ZNF716: variants seen among roughly 807,000 people sequenced by gnomAD.
The protein encoded by ZNF716 is zinc finger protein 716.
Under a neutral mutation model 13.4 loss-of-function variants are expected in ZNF716, and 9 were observed. The observed-to-expected ratio is 0.67, with a 90% CI of 0.41 to 1.18. The LOEUF is 1.18. ZNF716 is among the 50% of genes most tolerant of loss of function. ZNF716 has a pLI of 0.01. For synonymous variants in ZNF716, 186 were observed against 195.2 expected (o/e 0.95, Z 0.39); for missense variants, 581 against 576.6 (o/e 1.01, Z -0.08).
In ZNF716 at chr7:57,468,802, G is replaced by T. The variant is rs782102491; in HGVS notation, c.341G>T (p.Arg114Ile). ...TCACTCCAAAAAGTGATACTGAGAA[G>T]ATATGGAAAATGTGGACAGGAGGAT... ...KDSLQKVILRRYGKCGQEDLQ... is the reference protein window; with the variant it reads ...KDSLQKVILRIYGKCGQEDLQ... Residue 114 changes from arginine to isoleucine, a missense_variant, in exon 4 of 4, where the codon AGA becomes ATA. Coordinates refer to ENST00000420713, the MANE Select transcript of ZNF716 (RefSeq NM_001159279.1). The T allele has an allele frequency of 4.3e-6, 7 of 1,613,560 alleles. No homozygotes were observed. In the South Asian group the frequency reaches 7.7e-5, roughly 18 times the overall value.
chr7:57,450,422 G>T, intron 1 of ZNF716, 95 bp downstream of exon 1: 1 of 1,605,750 alleles, frequency 6.2e-7, no homozygotes. Context: ...CTCGCAGTCA[G>T]CTCCGGAGTC....
chr7:57,454,605 AG>A (rs1789554696), intron 1 of ZNF716, among the ~76,000 whole-genome samples: 1 of 152,250 alleles, frequency 6.6e-6, no homozygotes, highest in African/African-American at 2.4e-5. Context: ...GGGGACCCAC[AG>A]GCAGATGTAG....
In ZNF716 at chr7:57,469,720, C is replaced by G. The variant is rs200260740; in HGVS notation, c.1259C>G (p.Ser420Cys). ...GAATGTGGCAAAGCCTTTAACTGCT[C>G]CTCAACCCTTAAGAAACATAAGATA... The part of the protein sequence containing the change: ...CEECGKAFNC[S>C]STLKKHKIIH... The change falls in exon 4 of 4, where the codon TCC (serine) becomes TGC (cysteine). Residue 420 changes from serine to cysteine, a missense_variant. Physicochemically the swap from Ser to Cys is moderately radical, Grantham distance 112. Coordinates refer to ENST00000420713, the MANE Select transcript of ZNF716 (RefSeq NM_001159279.1). The G allele has an allele frequency of 7.3e-5, 118 of 1,610,754 alleles. No homozygotes were observed. The African/African-American group carries it at 1.3e-3, about 18-fold the overall frequency.
chr7:57,461,111 A>AT (rs1316790548), intron 1 of ZNF716, among the ~76,000 whole-genome samples: 1 of 127,208 alleles, frequency 7.9e-6, no homozygotes, highest in Non-Finnish European at 1.7e-5. Context: ...CTCTGCTAAA[A>AT]AAAAAAAAAT....
At chr7:57,457,232 GC>G (rs1344565825) in intron 1 of ZNF716, among the ~76,000 whole-genome samples, 2 of 152,174 alleles carry the variant, frequency 1.3e-5, no homozygotes, top group Non-Finnish European at 2.9e-5. Flanking sequence ...AGTCTAATCT[GC>G]CTGCATGGAC....
At chr7:57,462,142 C>T (rs2116415432) in intron 1 of ZNF716, among the ~76,000 whole-genome samples, 1 of 146,280 alleles carries the variant, frequency 6.8e-6, no homozygotes, top group Non-Finnish European at 1.5e-5. Context: ...GCCTGGGCAA[C>T]AGAGTGAGCC....
rs1367822352 is a variant in ZNF716 at position 57,459,842 on chromosome 7, G to A, written c.40-2618G>A. ...TATTTTAATAGTTATGGAGAAGCTT[G>A]TTCTTCTCTCATTGCTCTTAAATCT... On this transcript the variant is annotated intron_variant, in intron 1 of 3. Transcript: ENST00000420713. 2.6e-5 allele frequency among the ~76,000 whole-genome samples: 4 copies of A among 152,230 alleles called. No individual in the cohort carries two copies. In the East Asian group the frequency reaches 7.7e-4, roughly 29 times the overall value.
At chr7:57,460,226 C>T (rs1789682665) in intron 1 of ZNF716, among the ~76,000 whole-genome samples, 1 of 151,824 alleles carries the variant, frequency 6.6e-6, no homozygotes, top group Non-Finnish European at 1.5e-5. Context: ...GAAAGTCCAT[C>T]TCTATTAAAA....
intron 1 of ZNF716, among the ~76,000 whole-genome samples, chr7:57,456,718 G>C (rs1789597376): frequency 6.6e-6 from 1 of 151,460 alleles, no homozygotes; most frequent in African/African-American, 2.4e-5. Flanking sequence ...CTGGGCGACA[G>C]AGTGAGACTG....
chr7:57,455,025 CA>C (rs56899423), intron 1 of ZNF716, among the ~76,000 whole-genome samples: 3,636 of 130,964 alleles, frequency 0.028, 50 homozygotes, highest in African/African-American at 0.046. Flanking sequence ...GACTCCCTCT[CA>C]AAAAAAAAAA....
Position 57,463,135 on chromosome 7 carries a change from A to T in ZNF716, c.229A>T (p.Ile77Leu). 1.2e-6 allele frequency: 2 copies of T among 1,609,602 alleles called. No individual in the cohort carries two copies. The highest frequency in any genetic ancestry group is 1.7e-6 in the Non-Finnish European group (2 of 1,179,952). The change falls in exon 3 of 4, where the codon ATA (isoleucine) becomes TTA (leucine). Residue 77 changes from isoleucine (I) to leucine (L), a missense_variant. By Grantham distance (5) the Ile-to-Leu change is conservative. Coordinates refer to ENST00000420713, the MANE Select transcript of ZNF716 (RefSeq NM_001159279.1). The part of the protein sequence containing the change: ...CLEQNKEPQN[I>L]KRNEMVAKHP... ...GGAGCAAAATAAAGAGCCCCAGAATATAAAGAGAAATGAGATGGTAGCCAA... is the reference window on the plus strand; with the variant it reads ...GGAGCAAAATAAAGAGCCCCAGAATTTAAAGAGAAATGAGATGGTAGCCAA...
intron 3 of ZNF716, among the ~76,000 whole-genome samples, chr7:57,465,726 A>G (rs1296469628): frequency 2.6e-5 from 4 of 152,200 alleles, no homozygotes; most frequent in African/African-American, 9.7e-5. Flanking sequence ...GCATGTCCAC[A>G]TGCACACGTA....
At chr7:57,457,814 C>A (rs1262033195) in intron 1 of ZNF716, among the ~76,000 whole-genome samples, 3 of 152,188 alleles carry the variant, frequency 2.0e-5, no homozygotes, top group Admixed American at 2.0e-4. Flanking sequence ...TCCAACCCTT[C>A]ACCCTGAACG....
At chr7:57,465,607 C>T (rs528296053) in intron 3 of ZNF716, among the ~76,000 whole-genome samples, 2 of 152,286 alleles carry the variant, frequency 1.3e-5, no homozygotes, top group South Asian at 2.1e-4. Context: ...ACCTCGGCCT[C>T]TCAAAGTGCT....
intron 1 of ZNF716, among the ~76,000 whole-genome samples, chr7:57,458,735 T>C (rs1554322523): frequency 1.3e-5 from 2 of 152,194 alleles, no homozygotes; most frequent in African/African-American, 4.8e-5. Context: ...GAGCTTTTTA[T>C]AGTTATTTAT....
At position 57,468,941 on chromosome 7, in the gene ZNF716, T is replaced by C. The variant is rs781811645; in HGVS notation, c.480T>C (p.His160=). 3.7e-6 allele frequency: 6 copies of C among 1,611,040 alleles called. No individual in the cohort carries two copies. Among genetic ancestry groups the C allele is most frequent in the African/African-American group, 1.3e-5 (1 of 74,894 alleles). ...CCCAAAACAAAACATTTCAGACTCA[T>C]AAATGCGTCAAAGTCTTTGGTAAAT... The part of the protein sequence containing the change: ...SATQNKTFQT[H]KCVKVFGKFS... Residue 160 remains histidine, a synonymous_variant, in exon 4 of 4, where the codon CAT becomes CAC. Coordinates refer to ENST00000420713, the MANE Select transcript of ZNF716 (RefSeq NM_001159279.1).
At chr7:57,464,272 C>T (rs1789765263) in intron 3 of ZNF716, among the ~76,000 whole-genome samples, 1 of 151,810 alleles carries the variant, frequency 6.6e-6, no homozygotes, top group Non-Finnish European at 1.5e-5. Flanking sequence ...CAGGGATGTG[C>T]CACCATGTGC....
chr7:57,466,132 A>C (rs1395408297), intron 3 of ZNF716, among the ~76,000 whole-genome samples: 2 of 152,076 alleles, frequency 1.3e-5, no homozygotes, highest in African/African-American at 2.4e-5. Flanking sequence ...ACATGTATAC[A>C]TATGTAACTA....
chr7:57,458,906 T>A (rs1789653816), intron 1 of ZNF716, among the ~76,000 whole-genome samples: 1 of 152,214 alleles, frequency 6.6e-6, no homozygotes, highest in Non-Finnish European at 1.5e-5. Flanking sequence ...TCTAACTTGT[T>A]GATGTGGATG....
Sources: gnomAD v4.1 joint callset for allele counts (sites outside exome capture counted in the v4.1 genomes callset) on GRCh38, gnomAD v4.1.1 for gene constraint, MANE v1.5 for transcripts, NCBI Gene and HGNC (gene_info 2026-07-23, HGNC 2026-07-21) for gene names.